Variants in LRRFIP2 observed in about 807,000 individuals in gnomAD.
LRRFIP2 encodes LRR binding FLII interacting protein 2.
In LRRFIP2, 109 loss-of-function variants were observed where a neutral mutation model predicts 125.9. The observed-to-expected ratio is 0.87, with a 90% CI of 0.74 to 1.01. The LOEUF (loss-of-function observed/expected upper bound fraction) is 1.01, where lower values mean the gene tolerates loss of function less well. Ranked by LOEUF, LRRFIP2 falls within the 50% of genes least tolerant of loss-of-function variation. LRRFIP2 has a pLI of 0.00. For missense variants in LRRFIP2, 850 were observed against 862.3 expected, an observed-to-expected ratio of 0.99 and a Z score of 0.18; for synonymous variants, 291 against 293.1, an observed-to-expected ratio of 0.99 and a Z score of 0.07.
Position 37,140,250 on chromosome 3 carries a change from T to TA in LRRFIP2, c.90+8643dup, listed in dbSNP as rs1401266597. The TA allele has an allele frequency of 2.6e-5, 4 of 152,144 alleles. No homozygotes were observed. In the East Asian group the frequency reaches 7.7e-4, roughly 29 times the overall value. The allele number at this position is 152,144 out of a possible 1,614,324, so 9.4% of individuals were successfully genotyped here. ...TATATTCTCTCCTGGGCCATACTGT[T>TA]AGTCTGTAAATCTCTATGCCCAAGC... On this transcript the variant is annotated intron_variant, in intron 2 of 27. Transcript: ENST00000336686.
chr3:37,094,161 G>T (rs1040873506), intron 17 of LRRFIP2, among the ~76,000 whole-genome samples: 3 of 152,194 alleles, frequency 2.0e-5, no homozygotes, highest in African/African-American at 7.2e-5. Context: ...CCAAGGCCAA[G>T]TGCTCAATAA....
chr3:37,153,294 G>C (rs1213678711), intron 1 of LRRFIP2, among the ~76,000 whole-genome samples: 1 of 152,046 alleles, frequency 6.6e-6, no homozygotes, highest in Non-Finnish European at 1.5e-5. Context: ...GGGAGGCTGA[G>C]GTGCAAGAAC....
At chr3:37,093,050 G>C (rs532024326) in intron 17 of LRRFIP2, 1 of 152,378 alleles carries the variant, frequency 6.6e-6, no homozygotes, top group East Asian at 1.9e-4. Context: ...ATGTTGGCCA[G>C]GCTGGTCTCA....
At position 37,102,860 on chromosome 3, in the gene LRRFIP2, A is replaced by G. The variant is rs2094136278; in HGVS notation, c.873+64T>C. The G allele has an allele frequency of 2.9e-6, 3 of 1,039,168 alleles. No homozygotes were observed. The African/African-American group carries it at 5.0e-5, about 17-fold the overall frequency. The allele number at this position is 1,039,168 out of a possible 1,614,324, so 64.4% of individuals were successfully genotyped here. A position where few individuals can be genotyped will look rare whatever the true frequency, so the allele number is the denominator to read the frequency against. On this transcript the variant is annotated intron_variant, in intron 15 of 27. Coordinates refer to ENST00000336686, the MANE Select transcript of LRRFIP2 (RefSeq NM_006309.4). ...TCCCACTTTTATTATAAAATAGCTA[A>G]CATATTAGCTGTTAGTCACAAGCCT...
intron 22 of LRRFIP2, 50 bp downstream of exon 22, chr3:37,066,174 T>G (rs951781307): frequency 1.7e-5 from 25 of 1,483,278 alleles, no homozygotes; most frequent in Admixed American, 1.0e-4. Flanking sequence ...GGAAGGAAGA[T>G]AGAGAGTAAA....
At chr3:37,105,933 C>T (rs1455968635) in intron 13 of LRRFIP2, among the ~76,000 whole-genome samples, 2 of 152,026 alleles carry the variant, frequency 1.3e-5, no homozygotes, top group Non-Finnish European at 2.9e-5. Context: ...GGTATGGTGG[C>T]GGGTGCCTGT....
intron 4 of LRRFIP2, among the ~76,000 whole-genome samples, chr3:37,123,435 C>T (rs898409894): frequency 2.0e-5 from 3 of 152,152 alleles, no homozygotes; most frequent in Admixed American, 6.5e-5. Context: ...GGGATCTGCC[C>T]GCCTCGGCCT....
At chr3:37,116,728 G>T (rs2094805579) in intron 6 of LRRFIP2, among the ~76,000 whole-genome samples, 1 of 151,952 alleles carries the variant, frequency 6.6e-6, no homozygotes, top group African/African-American at 2.4e-5. Flanking sequence ...TCAGAATAAA[G>T]CCCTTCCATT....
chr3:37,155,977 C>T (rs2096177143), intron 1 of LRRFIP2, among the ~76,000 whole-genome samples: 1 of 152,102 alleles, frequency 6.6e-6, no homozygotes, highest in Admixed American at 6.5e-5. Flanking sequence ...CAGGCTCAGG[C>T]GATTCTCCTG....
chr3:37,165,558 AC>A (rs557068362), intron 1 of LRRFIP2, among the ~76,000 whole-genome samples: 1 of 151,912 alleles, frequency 6.6e-6, no homozygotes, highest in Non-Finnish European at 1.5e-5. Flanking sequence ...AGAGTTCAAG[AC>A]CAGCCTGACC....
intron 2 of LRRFIP2, among the ~76,000 whole-genome samples, chr3:37,138,248 T>C (rs1482203162): frequency 1.3e-5 from 2 of 152,210 alleles, no homozygotes; most frequent in African/African-American, 4.8e-5. Flanking sequence ...TTCAGTTAAA[T>C]AAACAGAGGG....
intron 1 of LRRFIP2, among the ~76,000 whole-genome samples, chr3:37,163,387 C>G (rs890455764): frequency 6.6e-6 from 1 of 152,176 alleles, no homozygotes; most frequent in African/African-American, 2.4e-5. Flanking sequence ...CAGTGGAATG[C>G]GGACAAAACT....
intron 15 of LRRFIP2, among the ~76,000 whole-genome samples, chr3:37,098,818 T>C (rs771390110): frequency 7.2e-5 from 11 of 152,242 alleles, no homozygotes; most frequent in Non-Finnish European, 1.3e-4. Context: ...AATATTATAT[T>C]TGAATAAACT....
At chr3:37,090,481 C>G (rs918559600) in intron 18 of LRRFIP2, among the ~76,000 whole-genome samples, 3 of 152,136 alleles carry the variant, frequency 2.0e-5, no homozygotes, top group African/African-American at 7.2e-5. Flanking sequence ...CCGCCCACCT[C>G]GGCCTCCCAA....
chr3:37,097,224 A>G (rs1473244941), intron 15 of LRRFIP2, among the ~76,000 whole-genome samples: 3 of 151,860 alleles, frequency 2.0e-5, no homozygotes, highest in African/African-American at 7.2e-5. Context: ...CAAACAGCAC[A>G]AAAGAGTATG....
At chr3:37,066,060 A>G (rs906241412) in intron 22 of LRRFIP2, 118 bp from the exon 23 acceptor site, 1 of 1,402,844 alleles carries the variant, frequency 7.1e-7, no homozygotes, top group South Asian at 1.2e-5. Flanking sequence ...AATCAGTTAC[A>G]TGAAATATAG....
intron 4 of LRRFIP2, among the ~76,000 whole-genome samples, chr3:37,122,687 T>C (rs955675857): frequency 7.2e-5 from 11 of 152,186 alleles, no homozygotes; most frequent in African/African-American, 2.7e-4. Context: ...TACTTACATC[T>C]AGAAGTAATT....
Position 37,121,533 on chromosome 3 carries a change from C to T in LRRFIP2, c.289G>A (p.Val97Ile), listed in dbSNP as rs758144952. The T allele has an allele frequency of 8.7e-6, 14 of 1,614,018 alleles. No individual in the cohort carries two copies. Among genetic ancestry groups the T allele is most frequent in the Non-Finnish European group, 1.2e-5 (14 of 1,179,908 alleles). ...CTTCGAATGGACAATGCATCCTCAA[C>T]TCCCTGATAAAAATGAAAATAAACA... The part of the protein sequence containing the change: ...RSSHHRPYLG[V>I]EDALSIRSVG... Residue 97 changes from valine (V) to isoleucine (I), a missense_variant, in exon 6 of 28, where the codon GTT becomes ATT. By Grantham distance (29) the Val-to-Ile change is conservative. Coordinates refer to ENST00000336686, the MANE Select transcript of LRRFIP2 (RefSeq NM_006309.4).
At chr3:37,129,624 C>T (rs948510391) in intron 2 of LRRFIP2, among the ~76,000 whole-genome samples, 1 of 152,188 alleles carries the variant, frequency 6.6e-6, no homozygotes, top group Non-Finnish European at 1.5e-5. Context: ...TTCAGGAACT[C>T]TTCATCTCCC....
Sources: gnomAD v4.1 joint callset for allele counts (sites outside exome capture counted in the v4.1 genomes callset) on GRCh38, gnomAD v4.1.1 for gene constraint, MANE v1.5 for transcripts, NCBI Gene and HGNC (gene_info 2026-07-23, HGNC 2026-07-21) for gene names.